ARHGAP44: variants seen among roughly 807,000 people sequenced by gnomAD.
The protein encoded by ARHGAP44 is rho GTPase-activating protein 44.
A neutral mutation model predicts 106.8 loss-of-function variants in ARHGAP44; 43 were observed. The observed-to-expected ratio is 0.40, with a 90% CI of 0.32 to 0.52. The LOEUF is 0.52. Ranked by LOEUF, ARHGAP44 falls within the 20% of genes least tolerant of loss-of-function variation. ARHGAP44 has a pLI of 0.48. For missense variants in ARHGAP44, 866 were observed against 1,050.5 expected, an observed-to-expected ratio of 0.82 and a Z score of 2.43; for synonymous variants, 439 against 410.3, an observed-to-expected ratio of 1.07 and a Z score of -0.85.
intron 1 of ARHGAP44, among the ~76,000 whole-genome samples, chr17:12,832,316 T>C (rs1002234354): frequency 4.6e-5 from 7 of 152,044 alleles, no homozygotes; most frequent in African/African-American, 7.2e-5. Context: ...GTTTCCTGGA[T>C]TGGGGACACA....
Position 12,841,579 on chromosome 17 carries a change from C to CTGTCTG in ARHGAP44, c.53+51689_53+51690insGTCTGT, listed in dbSNP as rs1468204398. ...CCTGGGCAACAGAGTGAGACCCTGTCTCTCTGTCTCTCTCTCACACACACA... is the reference window on the plus strand; with the variant it reads ...CCTGGGCAACAGAGTGAGACCCTGTCTGTCTGTCTCTGTCTCTCTCTCACACACACA... On this transcript the variant is annotated intron_variant, in intron 1 of 20. Transcript: ENST00000379672. 9.4e-3 allele frequency among the ~76,000 whole-genome samples: 1,190 copies of CTGTCTG among 126,874 alleles called. 11 individuals are homozygous for CTGTCTG. The highest frequency in any genetic ancestry group is 0.042 in the African/African-American group (1,057 of 25,466). 83.2% of individuals were successfully genotyped at this position (126,874 alleles called of 152,430 possible).
intron 1 of ARHGAP44, among the ~76,000 whole-genome samples, chr17:12,851,276 T>C (rs1003588000): frequency 1.3e-5 from 2 of 152,142 alleles, no homozygotes; most frequent in African/African-American, 2.4e-5. Context: ...GAGTTGGTTA[T>C]AATAGGAACA....
Position 12,944,652 on chromosome 17 carries a change from A to ATT in ARHGAP44, c.861+473_861+474dup, listed in dbSNP as rs5819393. ...AGGCGTGTGCCACCACGCCCAGCTA[A>ATT]TTTTTTTTTTTTTTTTTTAGTAGCA... On this transcript the variant is annotated intron_variant, in intron 10 of 20. Coordinates refer to ENST00000379672, the MANE Select transcript of ARHGAP44 (RefSeq NM_014859.6). 6.3e-3 allele frequency among the ~76,000 whole-genome samples: 868 copies of ATT among 137,464 alleles called. 12 individuals carry two copies. Among genetic ancestry groups the ATT allele is most frequent in the Admixed American group, 0.033 (449 of 13,784 alleles). 90.2% of individuals were successfully genotyped at this position (137,464 alleles called of 152,430 possible).
At chr17:12,894,212 TTG>T (rs1255643307) in intron 1 of ARHGAP44, among the ~76,000 whole-genome samples, 6 of 149,172 alleles carry the variant, frequency 4.0e-5, no homozygotes, top group Middle Eastern at 3.5e-3. Context: ...TTTGCTGTGT[TTG>T]TGTGTGTGTG....
chr17:12,882,333 A>T (rs1256128736), intron 1 of ARHGAP44, among the ~76,000 whole-genome samples: 5 of 152,048 alleles, frequency 3.3e-5, no homozygotes, highest in African/African-American at 1.2e-4. Flanking sequence ...ATCTTTCTCA[A>T]GTTTTATTAT....
chr17:12,792,563 G>A (rs1326669984), intron 1 of ARHGAP44, among the ~76,000 whole-genome samples: 1 of 152,182 alleles, frequency 6.6e-6, no homozygotes, highest in Non-Finnish European at 1.5e-5. Context: ...AGAGCCCGCG[G>A]TTGCCTGTTA....
At chr17:12,874,289 G>C (rs2150887785) in intron 1 of ARHGAP44, among the ~76,000 whole-genome samples, 1 of 152,274 alleles carries the variant, frequency 6.6e-6, no homozygotes, top group East Asian at 1.9e-4. Flanking sequence ...GGGTCACATG[G>C]GTCCCCCTAG....
intron 18 of ARHGAP44, among the ~76,000 whole-genome samples, chr17:12,976,067 T>C (rs557593457): frequency 6.6e-6 from 1 of 152,228 alleles, no homozygotes; most frequent in African/African-American, 2.4e-5. Context: ...AAAAGCAATA[T>C]GAAATCACAT....
At position 12,941,102 on chromosome 17, in the gene ARHGAP44, A is replaced by G. The variant is rs2038695897; in HGVS notation, c.629A>G (p.Asp210Gly). ...TACAGTTTTGTGGCCAAAGAAATTG[A>G]CTATGCAAACTACTTTCAAACGGTA... ...DMYSFVAKEIDYANYFQTLIE... is the reference protein window; with the variant it reads ...DMYSFVAKEIGYANYFQTLIE... The change falls in exon 8 of 21, where the codon GAC (aspartate) becomes GGC (glycine). Residue 210 changes from aspartate to glycine, a missense_variant. Asp to Gly is a moderately conservative substitution (Grantham distance 94). This residue lies in a region of ARHGAP44 where 448 missense variants were observed against 646.9 expected (regional missense o/e 0.69). Transcript: ENST00000379672. 6.2e-7 allele frequency: 1 copy of G among 1,614,008 alleles called. No homozygotes were observed. The highest frequency in any genetic ancestry group is 1.7e-5 in the Admixed American group (1 of 60,026).
At chr17:12,902,862 C>A (rs2037413916) in intron 3 of ARHGAP44, among the ~76,000 whole-genome samples, 1 of 152,154 alleles carries the variant, frequency 6.6e-6, no homozygotes, top group African/African-American at 2.4e-5. Flanking sequence ...AAAGCACGTA[C>A]ATGCCTTGTG....
At position 12,924,579 on chromosome 17, in the gene ARHGAP44, CA is replaced by C. The variant is rs563334891; in HGVS notation, c.465-4346del. Among the ~76,000 whole-genome samples the C allele has an allele frequency of 7.9e-5, 12 of 152,224 alleles. No individual in the cohort carries two copies. In the South Asian group the frequency reaches 2.5e-3, roughly 32 times the overall value. Reference sequence around the variant, plus strand: ...TCCTAGGGACTGAATGGTATCTCTCCAAAATTTGTATATTGAAGCGCTAACC... The same window carrying C: ...TCCTAGGGACTGAATGGTATCTCTCCAAATTTGTATATTGAAGCGCTAACC... On this transcript the variant is annotated intron_variant, in intron 6 of 20. Transcript: ENST00000379672.
intron 1 of ARHGAP44, among the ~76,000 whole-genome samples, chr17:12,797,490 G>C (rs2033959475): frequency 6.6e-6 from 1 of 152,224 alleles, no homozygotes; most frequent in African/African-American, 2.4e-5. Context: ...GTTCTGGCAG[G>C]AATTTAAGAC....
At chr17:12,845,502 G>A (rs1277069593) in intron 1 of ARHGAP44, among the ~76,000 whole-genome samples, 25 of 90,588 alleles carry the variant, frequency 2.8e-4, no homozygotes, top group African/African-American at 2.0e-3. Flanking sequence ...GCAAGACTCC[G>A]TCTCAAAAAA....
At chr17:12,900,962 C>T (rs984137884) in intron 3 of ARHGAP44, among the ~76,000 whole-genome samples, 6 of 142,940 alleles carry the variant, frequency 4.2e-5, no homozygotes, top group Non-Finnish European at 9.0e-5. Context: ...TCGCTCTTGT[C>T]ACCCAGGCTG....
intron 3 of ARHGAP44, among the ~76,000 whole-genome samples, chr17:12,899,652 C>T (rs961055772): frequency 6.0e-5 from 9 of 150,000 alleles, no homozygotes; most frequent in African/African-American, 1.2e-4. Flanking sequence ...GACACTGTCT[C>T]GGGAATTGAA....
At chr17:12,938,607 C>T (rs1416419033) in intron 7 of ARHGAP44, among the ~76,000 whole-genome samples, 1 of 137,748 alleles carries the variant, frequency 7.3e-6, no homozygotes, top group African/African-American at 2.6e-5. Context: ...AAAAAAACAG[C>T]TGCCTGGTGG....
intron 4 of ARHGAP44, among the ~76,000 whole-genome samples, chr17:12,915,170 C>CTGGG (rs1274208204): frequency 6.6e-6 from 1 of 152,224 alleles, no homozygotes; most frequent in Non-Finnish European, 1.5e-5. Context: ...TCCAGAGAAG[C>CTGGG]TGGGTCTACA....
At chr17:12,978,690 CTTTTTTCT>C (rs1567721485) in intron 18 of ARHGAP44, among the ~76,000 whole-genome samples, 15 of 127,022 alleles carry the variant, frequency 1.2e-4, no homozygotes, top group Admixed American at 2.4e-4. Context: ...TTTCTTTTTT[CTTTTTTCT>C]TTTTTTTTTT....
At chr17:12,986,678 A>AG (rs1224798459) in intron 20 of ARHGAP44, 1 of 137,848 alleles carries the variant, frequency 7.3e-6, no homozygotes, top group African/African-American at 2.7e-5. Flanking sequence ...CATCTCAAAA[A>AG]AAAAAAAAAA....
Sources: gnomAD v4.1 joint callset for allele counts (sites outside exome capture counted in the v4.1 genomes callset) on GRCh38, gnomAD v4.1.1 for gene constraint, gnomAD v4.1.1 regional missense constraint, MANE v1.5 for transcripts, NCBI Gene and HGNC (gene_info 2026-07-23, HGNC 2026-07-21) for gene names.